Variants in ATAD5 observed in about 807,000 individuals in gnomAD.
The protein encoded by ATAD5 is ATPase family AAA domain containing 5.
A neutral mutation model predicts 176.9 loss-of-function variants in ATAD5; 58 were observed. The ratio of observed to expected loss-of-function variants is 0.33; its 90% CI spans 0.27 to 0.41. ATAD5 has a LOEUF of 0.41. Among genes scored for constraint, ATAD5 ranks in the 10% least tolerant of loss-of-function variants. The probability of loss-of-function intolerance (pLI) is 1.00; values close to 1 mark genes in which losing one functional copy is unlikely to be tolerated. For missense variants in ATAD5, 1,789 were observed against 2,094.1 expected (o/e 0.85, Z 2.84); for synonymous variants, 640 against 712.6 (o/e 0.90, Z 1.62).
chr17:30,874,803 G>C (rs1908568972), intron 14 of ATAD5, among the ~76,000 whole-genome samples: 1 of 151,228 alleles, frequency 6.6e-6, no homozygotes, highest in East Asian at 2.0e-4. Context: ...GCTAATTTTT[G>C]TATTTTTAGT....
chr17:30,860,376 ATAT>A, intron 9 of ATAD5, 54 bp from the exon 10 acceptor site: 1 of 1,528,442 alleles, frequency 6.5e-7, no homozygotes, highest in South Asian at 1.3e-5. Context: ...AGTGATATTA[ATAT>A]TACTGGTTTT....
intron 14 of ATAD5, among the ~76,000 whole-genome samples, chr17:30,871,782 T>C (rs1908351021): frequency 2.0e-5 from 3 of 152,224 alleles, no homozygotes; most frequent in Admixed American, 2.0e-4. Context: ...TTTGCCTTCT[T>C]GGGTGCTGGA....
At chr17:30,857,136 T>C (rs767182341) in intron 8 of ATAD5, 24 bp downstream of exon 8, 1 of 1,589,282 alleles carries the variant, frequency 6.3e-7, no homozygotes, top group Admixed American at 1.9e-5. Context: ...AGTTCATCCA[T>C]TGTAGAGTGT....
At chr17:30,843,405 C>T (rs956382468) in intron 4 of ATAD5, among the ~76,000 whole-genome samples, 1 of 151,852 alleles carries the variant, frequency 6.6e-6, no homozygotes, top group Non-Finnish European at 1.5e-5. Context: ...GTAATCCCCG[C>T]ACTTTGAGAG....
chr17:30,879,565 A>ATT (rs762005937), intron 18 of ATAD5, 78 bp downstream of exon 18: 4,365 of 1,038,582 alleles, frequency 4.2e-3, no homozygotes, highest in Middle Eastern at 5.1e-3. Flanking sequence ...TACAGCTATA[A>ATT]TTTTTTTTTT....
In ATAD5 at chr17:30,893,714, G is replaced by C. The variant is rs1334059246; in HGVS notation, c.4861G>C (p.Glu1621Gln). Residue 1621 changes from glutamate (E) to glutamine (Q), a missense_variant, in exon 21 of 23, where the codon GAG (glutamate) becomes CAG (glutamine). By Grantham distance (29) the Glu-to-Gln change is conservative. Transcript: ENST00000321990. Reference protein sequence around the residue: ...SKARDKGNNPETKKSIPCPPK... With the variant: ...SKARDKGNNPQTKKSIPCPPK... Reference sequence around the variant, plus strand: ...AGCCAGAGACAAAGGAAACAATCCAGAGACAAAGAAATCTATTCCTTGTCC... The same window carrying C: ...AGCCAGAGACAAAGGAAACAATCCACAGACAAAGAAATCTATTCCTTGTCC... The C allele has an allele frequency of 1.9e-6, 3 of 1,613,742 alleles. No homozygotes were observed. The African/African-American group carries it at 4.0e-5, about 22-fold the overall frequency.
At chr17:30,864,540 G>A (rs917295146) in intron 10 of ATAD5, 1 of 151,904 alleles carries the variant, frequency 6.6e-6, no homozygotes, top group African/African-American at 2.4e-5. Flanking sequence ...CTTTTTTGTT[G>A]TTGTTAAGAG....
intron 19 of ATAD5, among the ~76,000 whole-genome samples, chr17:30,890,426 T>C (rs902633945): frequency 8.3e-5 from 12 of 144,644 alleles, no homozygotes; most frequent in Middle Eastern, 3.4e-3. Context: ...TTCTTTTTTT[T>C]TTTTTTTTTT....
chr17:30,883,536 G>A (rs1254653787), intron 18 of ATAD5, among the ~76,000 whole-genome samples: 2 of 152,048 alleles, frequency 1.3e-5, no homozygotes, highest in Non-Finnish European at 2.9e-5. Flanking sequence ...TAAAAGAAAT[G>A]TAGTAAAATT....
In ATAD5 at chr17:30,841,723, A is replaced by T. The variant is rs569216054; in HGVS notation, c.2241+942A>T. Among the ~76,000 whole-genome samples, 57 of 152,200 alleles carry T rather than the reference A, an allele frequency of 3.7e-4. 2 individuals are homozygous for T. In the South Asian group the frequency reaches 0.012, roughly 31 times the overall value. On this transcript the variant is annotated intron_variant, in intron 4 of 22. Transcript: ENST00000321990. ...TGCTTGTTCTGGACATTTCATATCAATGGTATCATATAGCATGTGGTTTTT... is the reference window on the plus strand; with the variant it reads ...TGCTTGTTCTGGACATTTCATATCATTGGTATCATATAGCATGTGGTTTTT...
At chr17:30,866,931 C>A (rs1226107599) in intron 11 of ATAD5, among the ~76,000 whole-genome samples, 1 of 152,126 alleles carries the variant, frequency 6.6e-6, no homozygotes, top group East Asian at 1.9e-4. Flanking sequence ...TTTTAAGTAT[C>A]TGAAAAATTA....
chr17:30,874,548 CAAAAAA>C (rs1298663817), intron 14 of ATAD5, among the ~76,000 whole-genome samples: 4 of 70,210 alleles, frequency 5.7e-5, no homozygotes, highest in African/African-American at 1.7e-4. Context: ...TCAAAAGAAA[CAAAAAA>C]AAAAAAAAAA....
At chr17:30,843,804 G>T (rs1033413012) in intron 4 of ATAD5, 109 bp from the exon 5 acceptor site, 15 of 588,186 alleles carry the variant, frequency 2.6e-5, no homozygotes, top group Non-Finnish European at 4.1e-5. Flanking sequence ...GGAGGTGTAT[G>T]GAGCTGCTAA....
At chr17:30,873,320 CTTT>C (rs775667412) in intron 14 of ATAD5, among the ~76,000 whole-genome samples, 3 of 137,498 alleles carry the variant, frequency 2.2e-5, no homozygotes, top group African/African-American at 2.7e-5. Context: ...ATTTCTTTTT[CTTT>C]TTTTTTTTTT....
At chr17:30,886,696 C>T (rs1258809013) in intron 18 of ATAD5, among the ~76,000 whole-genome samples, 1 of 151,460 alleles carries the variant, frequency 6.6e-6, no homozygotes, top group Non-Finnish European at 1.5e-5. Context: ...CTGCTTGATG[C>T]CAGGAGTTTG....
At chr17:30,841,544 T>A (rs1370783938) in intron 4 of ATAD5, among the ~76,000 whole-genome samples, 1 of 152,214 alleles carries the variant, frequency 6.6e-6, no homozygotes, top group African/African-American at 2.4e-5. Flanking sequence ...GTGACTTTTG[T>A]ATATTGGAAG....
At chr17:30,866,746 T>G (rs115057411) in intron 11 of ATAD5, among the ~76,000 whole-genome samples, 4,050 of 151,634 alleles carry the variant, frequency 0.027, 198 homozygotes, top group African/African-American at 0.093. Context: ...ACCCGGGAGG[T>G]GAGGATTGCA....
chr17:30,850,912 T>C (rs1906921606), intron 6 of ATAD5, among the ~76,000 whole-genome samples: 1 of 109,078 alleles, frequency 9.2e-6, no homozygotes, highest in Admixed American at 9.6e-5. Flanking sequence ...TGAGATAGAG[T>C]CTTGCTCTGT....
At chr17:30,858,925 C>G (rs539589190) in intron 9 of ATAD5, among the ~76,000 whole-genome samples, 1 of 151,902 alleles carries the variant, frequency 6.6e-6, no homozygotes, top group South Asian at 2.1e-4. Context: ...TGGTAGAGAC[C>G]AGGTCTTGCC....
Sources: gnomAD v4.1 joint callset for allele counts (sites outside exome capture counted in the v4.1 genomes callset) on GRCh38, gnomAD v4.1.1 for gene constraint, MANE v1.5 for transcripts, NCBI Gene and HGNC (gene_info 2026-07-23, HGNC 2026-07-21) for gene names.